ASXL3: variants seen among roughly 807,000 people sequenced by gnomAD.
The protein encoded by ASXL3 is putative Polycomb group protein ASXL3.
A neutral mutation model predicts 170.6 loss-of-function variants in ASXL3; 34 were observed. That is an observed-to-expected ratio of 0.20 (90% confidence interval 0.15 to 0.27). The LOEUF (loss-of-function observed/expected upper bound fraction) is 0.27, where lower values mean the gene tolerates loss of function less well. Among genes scored for constraint, ASXL3 ranks in the 10% least tolerant of loss-of-function variants. ASXL3 has a pLI of 1.00. For synonymous variants in ASXL3, 1,002 were observed against 989.1 expected (o/e 1.01, Z -0.24); for missense variants, 2,592 against 2,695.3 (o/e 0.96, Z 0.85).
intron 11 of ASXL3, 119 bp from the exon 12 acceptor site, chr18:33,742,769 T>A: frequency 7.2e-7 from 1 of 1,382,432 alleles, no homozygotes; most frequent in Non-Finnish European, 9.6e-7. Context: ...TTAGGTGTAG[T>A]TCATGGCATA....
At chr18:33,615,909 C>A (rs1196438453) in intron 2 of ASXL3, among the ~76,000 whole-genome samples, 2 of 151,720 alleles carry the variant, frequency 1.3e-5, no homozygotes, top group Non-Finnish European at 2.9e-5. Flanking sequence ...TTTGGTTTTA[C>A]CCAAAATATG....
At chr18:33,704,326 G>T (rs2066924577) in intron 8 of ASXL3, among the ~76,000 whole-genome samples, 2 of 152,038 alleles carry the variant, frequency 1.3e-5, no homozygotes, top group Non-Finnish European at 2.9e-5. Context: ...TTAAAGTATA[G>T]ATTGTCATTA....
chr18:33,584,211 G>A (rs895424075), intron 1 of ASXL3, among the ~76,000 whole-genome samples: 4 of 152,104 alleles, frequency 2.6e-5, no homozygotes, highest in Non-Finnish European at 4.4e-5. Context: ...GCAGGCAAGA[G>A]GATAGGTTCA....
In ASXL3 at chr18:33,638,948, C is replaced by T. The variant is rs534829332; in HGVS notation, c.138-5946C>T. On this transcript the variant is annotated intron_variant, in intron 2 of 11. Transcript: ENST00000269197. ...TGACAGACTATGGACGAGCTGTGTACACATGCCTGTGTCTTCACTTATTTT... is the reference window on the plus strand; with the variant it reads ...TGACAGACTATGGACGAGCTGTGTATACATGCCTGTGTCTTCACTTATTTT... Among the ~76,000 whole-genome samples, 18 of 152,230 alleles carry T rather than the reference C, an allele frequency of 1.2e-4. No individual in the cohort carries two copies. In the South Asian group the frequency reaches 3.5e-3, roughly 30 times the overall value.
chr18:33,740,511 C>T, intron 11 of ASXL3, 68 bp downstream of exon 11: 1 of 1,382,308 alleles, frequency 7.2e-7, no homozygotes, highest in Non-Finnish European at 9.6e-7. Flanking sequence ...CCTAATTTTT[C>T]AAGAGTAATT....
rs1404795822 is a variant in ASXL3 at position 33,749,521 on chromosome 18, T to C, written c.*2926T>C. The C allele has an allele frequency of 2.0e-5, 3 of 152,114 alleles. No individual in the cohort carries two copies. The South Asian group carries it at 6.2e-4, about 32-fold the overall frequency. The allele number at this position is 152,114 out of a possible 1,614,324, so 9.4% of individuals were successfully genotyped here. Reference sequence around the variant, plus strand: ...GGGAAGGAAGAAAACTGCTATTCCCTAATCCTCCTCCTATAAGATATGCAT... The same window carrying C: ...GGGAAGGAAGAAAACTGCTATTCCCCAATCCTCCTCCTATAAGATATGCAT... On this transcript the variant is annotated 3_prime_UTR_variant, in exon 12 of 12. Transcript: ENST00000269197.
intron 8 of ASXL3, among the ~76,000 whole-genome samples, chr18:33,720,254 C>T (rs2067236644): frequency 6.6e-6 from 1 of 151,980 alleles, no homozygotes; most frequent in Non-Finnish European, 1.5e-5. Flanking sequence ...TTCACAGTTC[C>T]TGGCACATAG....
At chr18:33,641,579 A>G (rs1453065117) in intron 2 of ASXL3, among the ~76,000 whole-genome samples, 1 of 152,096 alleles carries the variant, frequency 6.6e-6, no homozygotes, top group Non-Finnish European at 1.5e-5. Flanking sequence ...AAAACATCGT[A>G]GAAGTATTAG....
At chr18:33,689,242 C>T (rs1283490171) in intron 8 of ASXL3, among the ~76,000 whole-genome samples, 2 of 152,200 alleles carry the variant, frequency 1.3e-5, no homozygotes, top group African/African-American at 4.8e-5. Context: ...GATCCACCCG[C>T]CTCGGCCTCC....
At chr18:33,582,349 C>G (rs2065000898) in intron 1 of ASXL3, among the ~76,000 whole-genome samples, 2 of 152,062 alleles carry the variant, frequency 1.3e-5, no homozygotes, top group Non-Finnish European at 2.9e-5. Context: ...TTTTACAGCA[C>G]TAAGGGGTTT....
chr18:33,586,190 G>A (rs922544481), intron 1 of ASXL3, among the ~76,000 whole-genome samples: 1 of 150,954 alleles, frequency 6.6e-6, no homozygotes, highest in Non-Finnish European at 1.5e-5. Context: ...GATACAGTGA[G>A]GCTGTTGTTT....
chr18:33,619,174 T>C (rs1221736314), intron 2 of ASXL3, among the ~76,000 whole-genome samples: 3 of 152,162 alleles, frequency 2.0e-5, no homozygotes, highest in Admixed American at 2.0e-4. Context: ...AGCTAGAAAA[T>C]GATAAACCTG....
chr18:33,629,147 T>C (rs1412349973), intron 2 of ASXL3, among the ~76,000 whole-genome samples: 1 of 152,152 alleles, frequency 6.6e-6, no homozygotes, highest in African/African-American at 2.4e-5. Flanking sequence ...TGATTTTCAA[T>C]GTCAATGCTA....
chr18:33,584,180 C>T (rs770567401), intron 1 of ASXL3, among the ~76,000 whole-genome samples: 1 of 152,054 alleles, frequency 6.6e-6, no homozygotes, highest in East Asian at 1.9e-4. Context: ...GAAGAGAGAA[C>T]GACATGGACA....
intron 8 of ASXL3, among the ~76,000 whole-genome samples, chr18:33,717,117 T>C (rs554017385): frequency 6.6e-6 from 1 of 152,242 alleles, no homozygotes; most frequent in South Asian, 2.1e-4. Context: ...GATCTCTAGG[T>C]CAATCAGCTA....
intron 8 of ASXL3, among the ~76,000 whole-genome samples, chr18:33,714,696 G>A (rs1568344607): frequency 6.6e-6 from 1 of 151,904 alleles, no homozygotes. Flanking sequence ...GCATTCTCTG[G>A]ACCTGTGGGG....
chr18:33,672,399 T>C (rs1164373093), intron 7 of ASXL3, among the ~76,000 whole-genome samples: 1 of 152,224 alleles, frequency 6.6e-6, no homozygotes, highest in Non-Finnish European at 1.5e-5. Flanking sequence ...CACGGGTCTT[T>C]CAAATCAGCA....
chr18:33,579,826 A>G (rs914997101), intron 1 of ASXL3, among the ~76,000 whole-genome samples: 4 of 151,644 alleles, frequency 2.6e-5, no homozygotes, highest in Non-Finnish European at 5.9e-5. Context: ...GGGTTTTGGG[A>G]GGGGGGAGCA....
At chr18:33,636,415 G>A (rs184442660) in intron 2 of ASXL3, among the ~76,000 whole-genome samples, 64 of 152,250 alleles carry the variant, frequency 4.2e-4, no homozygotes, top group Middle Eastern at 3.4e-3. Flanking sequence ...AGTCTGAGCA[G>A]TGTTTCTGTT....
Sources: gnomAD v4.1 joint callset for allele counts (sites outside exome capture counted in the v4.1 genomes callset) on GRCh38, gnomAD v4.1.1 for gene constraint, MANE v1.5 for transcripts, NCBI Gene and HGNC (gene_info 2026-07-23, HGNC 2026-07-21) for gene names.